The following BNC2 variants were observed in gnomAD, a reference collection of about 807,000 sequenced individuals.
BNC2 encodes the protein zinc finger protein basonuclin-2.
In BNC2, 20 loss-of-function variants were observed where a neutral mutation model predicts 76.3. That is an observed-to-expected ratio of 0.26 (90% CI 0.18 to 0.38). BNC2 has a LOEUF of 0.38. Among genes scored for constraint, BNC2 ranks in the 10% least tolerant of loss-of-function variants. The pLI, the probability that BNC2 is intolerant of heterozygous loss-of-function variation, is 1.00. For missense variants in BNC2, 1,382 were observed against 1,399.8 expected (o/e 0.99, Z 0.20); for synonymous variants, 582 against 514.8 (o/e 1.13, Z -1.77).
chr9:16,607,749 G>T (rs1211873772), intron 3 of BNC2, among the ~76,000 whole-genome samples: 1 of 152,078 alleles, frequency 6.6e-6, no homozygotes, highest in African/African-American at 2.4e-5. Flanking sequence ...ACCCTGTCTA[G>T]GCAGTTAAGA....
At chr9:16,801,871 C>T (rs1341002139) in intron 1 of BNC2, among the ~76,000 whole-genome samples, 1 of 151,992 alleles carries the variant, frequency 6.6e-6, no homozygotes, top group Non-Finnish European at 1.5e-5. Flanking sequence ...TAAACTTCTC[C>T]TTCTCTGTGG....
chr9:16,468,366 A>C (rs1232096340), intron 5 of BNC2, among the ~76,000 whole-genome samples: 1 of 151,954 alleles, frequency 6.6e-6, no homozygotes, highest in Non-Finnish European at 1.5e-5. Flanking sequence ...GTATTCTGCT[A>C]GGTATTTTAT....
At chr9:16,666,948 G>C (rs970688839) in intron 3 of BNC2, among the ~76,000 whole-genome samples, 4 of 151,870 alleles carry the variant, frequency 2.6e-5, no homozygotes, top group African/African-American at 7.3e-5. Flanking sequence ...AATTCAAATA[G>C]TTATGAACTA....
intron 3 of BNC2, among the ~76,000 whole-genome samples, chr9:16,608,436 C>T (rs547551829): frequency 2.6e-5 from 4 of 151,340 alleles, no homozygotes; most frequent in Non-Finnish European, 2.9e-5. Context: ...CTCCTTAAAA[C>T]TAAAAGAAAA....
intron 4 of BNC2, among the ~76,000 whole-genome samples, chr9:16,572,498 A>G (rs965895567): frequency 1.3e-5 from 2 of 152,182 alleles, no homozygotes; most frequent in Non-Finnish European, 2.9e-5. Flanking sequence ...CATGCACCAC[A>G]TGAGATGCTG....
chr9:16,458,195 A>G (rs1322793073), intron 5 of BNC2, among the ~76,000 whole-genome samples: 1 of 149,266 alleles, frequency 6.7e-6, no homozygotes, highest in Non-Finnish European at 1.5e-5. Flanking sequence ...CATGAGATTA[A>G]GGCTCATGGA....
chr9:16,529,676 A>C (rs1007765711), intron 5 of BNC2, among the ~76,000 whole-genome samples: 1 of 152,146 alleles, frequency 6.6e-6, no homozygotes, highest in Non-Finnish European at 1.5e-5. Flanking sequence ...AATAATAAAA[A>C]TATTAAGTCA....
intron 3 of BNC2, among the ~76,000 whole-genome samples, chr9:16,701,461 T>C (rs998082102): frequency 1.3e-5 from 2 of 152,224 alleles, no homozygotes; most frequent in Non-Finnish European, 2.9e-5. Flanking sequence ...CTAGCATCCC[T>C]AGCACACTAT....
At chr9:16,672,854 C>T (rs1056578953) in intron 3 of BNC2, among the ~76,000 whole-genome samples, 2 of 152,198 alleles carry the variant, frequency 1.3e-5, no homozygotes, top group African/African-American at 2.4e-5. Flanking sequence ...ATAAAATCTA[C>T]ATCTTTAACT....
intron 5 of BNC2, among the ~76,000 whole-genome samples, chr9:16,462,415 G>C (rs138840612): frequency 1.7e-3 from 266 of 152,208 alleles, no homozygotes; most frequent in African/African-American, 5.9e-3. Flanking sequence ...TCCAAAGCTT[G>C]AATTAAATGT....
rs915472920 is a variant in BNC2 at position 16,417,281 on chromosome 9, C to T, written c.*1708G>A. 6.6e-6 allele frequency: 1 copy of T among 152,574 alleles called. No homozygotes were observed. The highest frequency in any genetic ancestry group is 1.5e-5 in the Non-Finnish European group (1 of 68,038). 9.5% of individuals were successfully genotyped at this position (152,574 alleles called of 1,614,324 possible). A position where few individuals can be genotyped will look rare whatever the true frequency, so the allele number is the denominator to read the frequency against. On this transcript the variant is annotated 3_prime_UTR_variant, in exon 7 of 7. Coordinates refer to ENST00000380672, the MANE Select transcript of BNC2 (RefSeq NM_017637.6). Reference sequence around the variant, plus strand: ...TAGCTGAGGCTGCCGATGTGGTTAACCAGCTCAGGCAACATGTGTAAACAT... The same window carrying T: ...TAGCTGAGGCTGCCGATGTGGTTAATCAGCTCAGGCAACATGTGTAAACAT...
chr9:16,756,722 G>A (rs1825392874), intron 1 of BNC2, among the ~76,000 whole-genome samples: 1 of 152,198 alleles, frequency 6.6e-6, no homozygotes, highest in African/African-American at 2.4e-5. Context: ...GGGCACAGGG[G>A]CTCACGCCTA....
At chr9:16,516,037 G>A (rs1404624829) in intron 5 of BNC2, among the ~76,000 whole-genome samples, 1 of 151,970 alleles carries the variant, frequency 6.6e-6, no homozygotes, top group Non-Finnish European at 1.5e-5. Context: ...AGAGACTGTA[G>A]CTGATTCAAG....
chr9:16,861,231 G>A (rs1819403115), intron 1 of BNC2, among the ~76,000 whole-genome samples: 2 of 143,980 alleles, frequency 1.4e-5, no homozygotes, highest in Non-Finnish European at 1.5e-5. Flanking sequence ...GCTTGCACTT[G>A]TAGTCCCAAT....
chr9:16,755,834 T>C (rs554937657), intron 1 of BNC2, among the ~76,000 whole-genome samples: 121 of 152,370 alleles, frequency 7.9e-4, no homozygotes, highest in Admixed American at 1.2e-3. Context: ...TCTCCATTTA[T>C]AAAAGACCAT....
chr9:16,843,161 T>C (rs1470068519), intron 1 of BNC2, among the ~76,000 whole-genome samples: 1 of 152,224 alleles, frequency 6.6e-6, no homozygotes, highest in East Asian at 1.9e-4. Context: ...GAGAGATAGA[T>C]GAATTTGCCC....
chr9:16,700,861 G>T (rs576983541), intron 3 of BNC2, among the ~76,000 whole-genome samples: 1 of 152,230 alleles, frequency 6.6e-6, no homozygotes, highest in Non-Finnish European at 1.5e-5. Context: ...CGGTTATTTG[G>T]GAGGCTGAGA....
At chr9:16,669,859 C>T (rs576952889) in intron 3 of BNC2, among the ~76,000 whole-genome samples, 2 of 152,188 alleles carry the variant, frequency 1.3e-5, no homozygotes, top group African/African-American at 2.4e-5. Context: ...ACTTGAACTG[C>T]AGCTTAGAGT....
intron 3 of BNC2, among the ~76,000 whole-genome samples, chr9:16,664,492 T>A (rs961060422): frequency 1.3e-5 from 2 of 152,124 alleles, no homozygotes; most frequent in African/African-American, 4.8e-5. Context: ...TCTCTCCTTT[T>A]AGCTGAGACT....
Sources: gnomAD v4.1 joint callset for allele counts (sites outside exome capture counted in the v4.1 genomes callset) on GRCh38, gnomAD v4.1.1 for gene constraint, MANE v1.5 for transcripts, NCBI Gene and HGNC (gene_info 2026-07-23, HGNC 2026-07-21) for gene names.